PCCA: variants seen among roughly 807,000 people sequenced by gnomAD.
PCCA encodes propionyl-CoA carboxylase alpha chain, mitochondrial.
Under a neutral mutation model 101.3 loss-of-function variants are expected in PCCA, and 74 were observed. That is an observed-to-expected ratio of 0.73 (90% CI 0.61 to 0.89). The LOEUF is 0.89. Among genes scored for constraint, PCCA ranks in the 40% least tolerant of loss-of-function variants. The pLI is 0.00. For missense variants in PCCA, 891 were observed against 907.0 expected, an observed-to-expected ratio of 0.98 and a Z score of 0.23; for synonymous variants, 294 against 313.6, an observed-to-expected ratio of 0.94 and a Z score of 0.66.
intron 6 of PCCA, among the ~76,000 whole-genome samples, chr13:100,205,162 C>G (rs1263251003): frequency 6.6e-6 from 1 of 152,010 alleles, no homozygotes; most frequent in Non-Finnish European, 1.5e-5. Flanking sequence ...AGATGGATAA[C>G]AAAAAATACC....
chr13:100,275,856 T>G (rs981600744), intron 12 of PCCA, among the ~76,000 whole-genome samples: 2 of 152,166 alleles, frequency 1.3e-5, no homozygotes, highest in African/African-American at 4.8e-5. Context: ...CAAGGGAGCT[T>G]AGAACATTTA....
At chr13:100,448,156 A>G (rs532037593) in intron 20 of PCCA, among the ~76,000 whole-genome samples, 6 of 152,300 alleles carry the variant, frequency 3.9e-5, no homozygotes, top group African/African-American at 9.6e-5. Context: ...ATTCTGAGGA[A>G]TACGTTAGGA....
intron 14 of PCCA, 35 bp from the exon 15 acceptor site, chr13:100,307,157 T>C (rs1252922153): frequency 2.7e-6 from 4 of 1,483,236 alleles, no homozygotes; most frequent in East Asian, 2.3e-5. Flanking sequence ...CTACACAATA[T>C]GAATTACTTT....
chr13:100,315,385 G>A (rs986685835), intron 16 of PCCA, among the ~76,000 whole-genome samples: 11 of 151,976 alleles, frequency 7.2e-5, no homozygotes, highest in Non-Finnish European at 1.5e-4. Flanking sequence ...GATGCATTTG[G>A]GATTTTGAAC....
At chr13:100,518,799 C>T (rs2153000438) in intron 22 of PCCA, among the ~76,000 whole-genome samples, 1 of 152,260 alleles carries the variant, frequency 6.6e-6, no homozygotes, top group South Asian at 2.1e-4. Context: ...AACTCGTTTT[C>T]TTAGACTCGT....
At chr13:100,212,473 G>A (rs914103173) in intron 7 of PCCA, among the ~76,000 whole-genome samples, 4 of 152,174 alleles carry the variant, frequency 2.6e-5, no homozygotes, top group African/African-American at 9.7e-5. Flanking sequence ...TTCCGCCTAG[G>A]AAGGTGGTGG....
chr13:100,524,857 C>T (rs910884574), intron 22 of PCCA, among the ~76,000 whole-genome samples: 1 of 151,932 alleles, frequency 6.6e-6, no homozygotes, highest in Non-Finnish European at 1.5e-5. Context: ...GGGCAACAGA[C>T]CGAGATTCTG....
chr13:100,215,806 T>C (rs1482309268), intron 7 of PCCA, among the ~76,000 whole-genome samples: 1 of 151,776 alleles, frequency 6.6e-6, no homozygotes, highest in Non-Finnish European at 1.5e-5. Flanking sequence ...TGCCCAGCTG[T>C]TTTTTGTATT....
intron 19 of PCCA, among the ~76,000 whole-genome samples, chr13:100,413,867 T>C (rs947844669): frequency 1.3e-5 from 2 of 152,222 alleles, no homozygotes; most frequent in Non-Finnish European, 2.9e-5. Context: ...CCTGGAGTTA[T>C]TCATTAAGCT....
chr13:100,182,070 T>TA (rs2056839361), intron 6 of PCCA, among the ~76,000 whole-genome samples: 1 of 150,026 alleles, frequency 6.7e-6, no homozygotes, highest in African/African-American at 2.4e-5. Context: ...AAAGAACACT[T>TA]AGTTACTAAT....
At chr13:100,201,164 C>G (rs888005039) in intron 6 of PCCA, among the ~76,000 whole-genome samples, 7 of 152,128 alleles carry the variant, frequency 4.6e-5, no homozygotes, top group Non-Finnish European at 7.4e-5. Context: ...TCTATATTGT[C>G]AGAAAATGTG....
chr13:100,128,656 A>G (rs1413459589), intron 4 of PCCA, among the ~76,000 whole-genome samples: 2 of 152,152 alleles, frequency 1.3e-5, no homozygotes, highest in Non-Finnish European at 2.9e-5. Context: ...TCAGTACTCT[A>G]CTATAGAGTT....
chr13:100,219,462 A>G (rs1181430308), intron 7 of PCCA, among the ~76,000 whole-genome samples: 2 of 152,096 alleles, frequency 1.3e-5, no homozygotes, highest in Non-Finnish European at 2.9e-5. Flanking sequence ...TTATGAAATT[A>G]GTGAATGTAG....
At chr13:100,496,186 G>A (rs1428439802) in intron 21 of PCCA, among the ~76,000 whole-genome samples, 1 of 152,110 alleles carries the variant, frequency 6.6e-6, no homozygotes, top group Non-Finnish European at 1.5e-5. Context: ...TTCAAATTTT[G>A]CCAGTTTTCC....
chr13:100,394,333 C>G lies in PCCA; in HGVS notation c.1746+25759C>G, dbSNP rs2076949755. On this transcript the variant is annotated intron_variant, in intron 19 of 23. Transcript: ENST00000376285. This position sits in a 1 kb window ranked among gnomAD's most constrained non-coding sequence, Gnocchi z 4.3. ...TTGGTTTCCCTTTAACTGAGAAGAC[C>G]TTATGTTTATACAACTGTTATTATT... is the stretch of plus-strand genomic sequence containing the variant. Among the ~76,000 whole-genome samples the G allele has an allele frequency of 6.6e-6, 1 of 151,894 alleles. No individual in the cohort carries two copies. Among genetic ancestry groups the G allele is most frequent in the African/African-American group, 2.4e-5 (1 of 41,308 alleles).
At chr13:100,107,727 C>T (rs1325241122) in intron 2 of PCCA, among the ~76,000 whole-genome samples, 8 of 152,188 alleles carry the variant, frequency 5.3e-5, no homozygotes, top group South Asian at 2.1e-4. Flanking sequence ...ATTTGTAAAA[C>T]GGAGATATTA....
At chr13:100,259,359 G>A (rs2062303546) in intron 9 of PCCA, among the ~76,000 whole-genome samples, 1 of 110,670 alleles carries the variant, frequency 9.0e-6, no homozygotes, top group Non-Finnish European at 1.7e-5. Flanking sequence ...TTTTGAGACA[G>A]AGTCTCTCTC....
intron 21 of PCCA, among the ~76,000 whole-genome samples, chr13:100,507,810 C>T (rs1033130535): frequency 3.3e-5 from 5 of 151,128 alleles, no homozygotes; most frequent in African/African-American, 1.2e-4. Flanking sequence ...GCGCCCACCA[C>T]CACGCCTGGC....
chr13:100,191,763 C>CA (rs1431905522), intron 6 of PCCA, among the ~76,000 whole-genome samples: 5 of 152,178 alleles, frequency 3.3e-5, no homozygotes, highest in Non-Finnish European at 7.3e-5. Context: ...AACATACACC[C>CA]AAGGAAGTCA....
Sources: allele counts gnomAD v4.1 joint callset (sites outside exome capture counted in the v4.1 genomes callset), GRCh38; gene constraint gnomAD v4.1.1; non-coding constraint Gnocchi (gnomAD v3.1); transcripts MANE v1.5; gene names NCBI Gene and HGNC (gene_info 2026-07-23, HGNC 2026-07-21).